Variants in PTPRT observed in about 807,000 individuals in gnomAD.
PTPRT encodes protein tyrosine phosphatase receptor type T.
A neutral mutation model predicts 176.8 loss-of-function variants in PTPRT; 56 were observed. The observed-to-expected ratio is 0.32, with a 90% confidence interval of 0.26 to 0.40. PTPRT has a LOEUF of 0.40. PTPRT is among the 10% of genes least tolerant of loss of function. The pLI is 1.00. For synonymous variants in PTPRT, 783 were observed against 739.0 expected, an observed-to-expected ratio of 1.06 and a Z score of -0.96; for missense variants, 1,540 against 1,908.2, an observed-to-expected ratio of 0.81 and a Z score of 3.60.
chr20:42,362,111 T>A (rs531453271), intron 9 of PTPRT, among the ~76,000 whole-genome samples: 49 of 151,994 alleles, frequency 3.2e-4, no homozygotes, highest in Non-Finnish European at 2.5e-4. Context: ...AAATTTTTTT[T>A]AAAAAATAGC....
intron 1 of PTPRT, among the ~76,000 whole-genome samples, chr20:42,942,381 G>A (rs1430988578): frequency 2.6e-5 from 4 of 152,216 alleles, no homozygotes; most frequent in Non-Finnish European, 1.5e-5. Context: ...TTTCTAGACA[G>A]GATATGCACT....
intron 1 of PTPRT, among the ~76,000 whole-genome samples, chr20:43,035,592 G>A (rs952620921): frequency 6.6e-6 from 1 of 152,152 alleles, no homozygotes; most frequent in African/African-American, 2.4e-5. Context: ...CAACACTGTG[G>A]GTATTTCATA....
rs117262395 is a variant in PTPRT, at chr20:42,468,605, T to C, written c.1450+3661A>G. On this transcript the variant is annotated intron_variant, in intron 8 of 30. Transcript: ENST00000373187. ...ATTTCAAAGCATTCCTGCTCTCATGTTGTTTTGATAAAGGCTTTTTTTTCT... is the reference window on the plus strand; with the variant it reads ...ATTTCAAAGCATTCCTGCTCTCATGCTGTTTTGATAAAGGCTTTTTTTTCT... 1.9e-3 allele frequency among the ~76,000 whole-genome samples: 290 copies of C among 152,324 alleles called. 8 individuals carry two copies. In the East Asian group the frequency reaches 0.051, roughly 27 times the overall value.
rs6016897 is a variant in PTPRT at position 42,816,580 on chromosome 20, G to A, written c.215-25114C>T. On this transcript the variant is annotated intron_variant, in intron 2 of 30. Transcript: ENST00000373187. ...ATCAGAGGGAGGTTTCCCCCATGCTGTTCTCATGATAGTGAGTGAATTCTC... is the reference window on the plus strand; with the variant it reads ...ATCAGAGGGAGGTTTCCCCCATGCTATTCTCATGATAGTGAGTGAATTCTC... Among the ~76,000 whole-genome samples the A allele has an allele frequency of 7.5e-3, 1,139 of 152,262 alleles. 15 individuals carry two copies. Among genetic ancestry groups the A allele is most frequent in the African/African-American group, 0.026 (1,060 of 41,540 alleles).
rs1466258482 is a variant in PTPRT at position 42,118,394 on chromosome 20, G to A, written c.2982+9C>T. The A allele has an allele frequency of 1.2e-6, 2 of 1,604,384 alleles. No homozygotes were observed. The highest frequency in any genetic ancestry group is 2.7e-5 in the African/African-American group (2 of 74,606). On this transcript the variant is annotated intron_variant, in intron 21 of 30. Coordinates refer to ENST00000373187, the MANE Select transcript of PTPRT (RefSeq NM_007050.6). ...ATCCTCTGCCCAGGCGAGTGCAGGAGAGGCTTACCCTGCCCACTTCCACCA... is the reference window on the plus strand; with the variant it reads ...ATCCTCTGCCCAGGCGAGTGCAGGAAAGGCTTACCCTGCCCACTTCCACCA...
intron 14 of PTPRT, among the ~76,000 whole-genome samples, chr20:42,245,685 T>C (rs769009399): frequency 2.0e-5 from 3 of 152,080 alleles, no homozygotes; most frequent in Non-Finnish European, 4.4e-5. Flanking sequence ...AGGAAACCCC[T>C]AACAGGAAGA....
At chr20:42,115,341 A>G (rs1236225971) in intron 21 of PTPRT, 26 bp from the exon 22 acceptor site, 2 of 1,552,830 alleles carry the variant, frequency 1.3e-6, no homozygotes, top group Non-Finnish European at 8.9e-7. Context: ...AGACAGAGAC[A>G]GAGACAGAAC....
At chr20:42,481,236 A>G (rs180812683) in intron 7 of PTPRT, among the ~76,000 whole-genome samples, 1 of 152,224 alleles carries the variant, frequency 6.6e-6, no homozygotes, top group Admixed American at 6.5e-5. Flanking sequence ...TACTCTTGTT[A>G]TGGAGGTAAA....
intron 1 of PTPRT, among the ~76,000 whole-genome samples, chr20:43,074,778 T>C (rs1465010102): frequency 6.6e-6 from 1 of 152,130 alleles, no homozygotes; most frequent in Non-Finnish European, 1.5e-5. Context: ...TTTAATCGAG[T>C]AGCTAGATGT....
intron 2 of PTPRT, among the ~76,000 whole-genome samples, chr20:42,794,989 A>G (rs1363116334): frequency 6.6e-6 from 1 of 152,140 alleles, no homozygotes; most frequent in East Asian, 1.9e-4. Context: ...GCGCGCCACT[A>G]GAGATTGCTC....
chr20:43,130,703 G>A (rs548947891), intron 1 of PTPRT, among the ~76,000 whole-genome samples: 10 of 151,832 alleles, frequency 6.6e-5, no homozygotes, highest in African/African-American at 9.7e-5. Context: ...AAATCTGTTC[G>A]TCATGCTGAA....
chr20:42,682,509 T>C (rs1471074709), intron 6 of PTPRT, among the ~76,000 whole-genome samples: 3 of 152,170 alleles, frequency 2.0e-5, no homozygotes, highest in Admixed American at 6.5e-5. Flanking sequence ...ACACAACCAA[T>C]GCCCTCTTAA....
intron 16 of PTPRT, among the ~76,000 whole-genome samples, chr20:42,196,541 C>A (rs2146663515): frequency 6.6e-6 from 1 of 152,266 alleles, no homozygotes; most frequent in East Asian, 1.9e-4. Context: ...AGTCACCCTA[C>A]AGTACAATAG....
At chr20:42,869,295 A>G (rs1384346904) in intron 2 of PTPRT, among the ~76,000 whole-genome samples, 1 of 152,110 alleles carries the variant, frequency 6.6e-6, no homozygotes, top group African/African-American at 2.4e-5. Context: ...CCTGGGAGAG[A>G]GACAGGCACC....
At chr20:42,032,677 T>C in the PTPRT span, among the ~76,000 whole-genome samples, 1 of 152,186 alleles carries the variant, frequency 6.6e-6, no homozygotes, top group Admixed American at 6.5e-5. Flanking sequence ...ATGAATGTCA[T>C]TAGTGATGGA....
At position 43,102,284 on chromosome 20, in the gene PTPRT, T is replaced by TCACACACACACACACACACA. The variant is rs57029983; in HGVS notation, c.88+87342_88+87361dup. ...TCTCTCTGTCTCTTTCACTCACACA[T>TCACACACACACACACACACA]CACACACACACACACACACACACAC... On this transcript the variant is annotated intron_variant, in intron 1 of 30. Coordinates refer to ENST00000373187, the MANE Select transcript of PTPRT (RefSeq NM_007050.6). 1.6e-3 allele frequency among the ~76,000 whole-genome samples: 228 copies of TCACACACACACACACACACA among 140,544 alleles called. 4 individuals are homozygous for TCACACACACACACACACACA. The highest frequency in any genetic ancestry group is 5.8e-3 in the African/African-American group (220 of 37,742). 92.2% of individuals were successfully genotyped at this position (140,544 alleles called of 152,430 possible).
intron 1 of PTPRT, among the ~76,000 whole-genome samples, chr20:42,894,900 G>A (rs1052396298): frequency 6.6e-6 from 1 of 152,138 alleles, no homozygotes; most frequent in Non-Finnish European, 1.5e-5. Context: ...AGTCAGGAAG[G>A]CAGGCACATG....
At chr20:42,712,323 T>C (rs1389033737) in intron 6 of PTPRT, among the ~76,000 whole-genome samples, 2 of 152,120 alleles carry the variant, frequency 1.3e-5, no homozygotes, top group Non-Finnish European at 2.9e-5. Flanking sequence ...AGTGGGTATG[T>C]TAGCCCTGAT....
At chr20:42,114,834 C>G (rs1308688814) in intron 22 of PTPRT, among the ~76,000 whole-genome samples, 2 of 152,188 alleles carry the variant, frequency 1.3e-5, no homozygotes, top group Non-Finnish European at 2.9e-5. Flanking sequence ...GCTCTTCTTT[C>G]CTTTCTACCC....
Sources: allele counts gnomAD v4.1 joint callset (sites outside exome capture counted in the v4.1 genomes callset), GRCh38; gene constraint gnomAD v4.1.1; transcripts MANE v1.5; gene names NCBI Gene and HGNC (gene_info 2026-07-23, HGNC 2026-07-21).